NOCT: variants seen among roughly 807,000 people sequenced by gnomAD.
The protein encoded by NOCT is CCR4 carbon catabolite repression 4-like.
Under a neutral mutation model 35.0 loss-of-function variants are expected in NOCT, and 18 were observed. That is an observed-to-expected ratio of 0.51 (90% CI 0.36 to 0.76). NOCT has a LOEUF of 0.76. Among genes scored for constraint, NOCT ranks in the 30% least tolerant of loss-of-function variants. The pLI is 0.01. For missense variants in NOCT, 479 were observed against 541.0 expected (o/e 0.89, Z 1.14); for synonymous variants, 235 against 226.3 (o/e 1.04, Z -0.34).
Position 139,028,898 on chromosome 4 carries a change from G to A in NOCT, c.190+12727G>A, listed in dbSNP as rs187012804. On this transcript the variant is annotated intron_variant, in intron 1 of 2. Transcript: ENST00000280614. Reference sequence around the variant, plus strand: ...GCTCTGTCGCCCAGGCTGGAGTGCAGTGGCGTGATCTCGGCTCACTGCAAC... The same window carrying A: ...GCTCTGTCGCCCAGGCTGGAGTGCAATGGCGTGATCTCGGCTCACTGCAAC... Among the ~76,000 whole-genome samples, 3 of 152,292 alleles carry A rather than the reference G, an allele frequency of 2.0e-5. No individual in the cohort carries two copies. The East Asian group carries it at 5.8e-4, about 29-fold the overall frequency.
chr4:139,024,561 G>A (rs1223349859), intron 1 of NOCT, among the ~76,000 whole-genome samples: 3 of 152,016 alleles, frequency 2.0e-5, no homozygotes, highest in East Asian at 3.9e-4. Flanking sequence ...CCTCTTTCCT[G>A]GAGAGGAAGG....
chr4:139,025,755 G>A (rs1003971798), intron 1 of NOCT, among the ~76,000 whole-genome samples: 4 of 150,172 alleles, frequency 2.7e-5, no homozygotes, highest in African/African-American at 9.8e-5. Flanking sequence ...AGTGAGCCGA[G>A]ATGGCGCCAT....
chr4:139,029,363 G>C (rs1208643646), intron 1 of NOCT, among the ~76,000 whole-genome samples: 1 of 152,238 alleles, frequency 6.6e-6, no homozygotes, highest in African/African-American at 2.4e-5. Flanking sequence ...GTAAACAGTG[G>C]AGCCAGGATT....
chr4:139,035,075 A>T (rs1726704621), intron 1 of NOCT, among the ~76,000 whole-genome samples: 1 of 151,986 alleles, frequency 6.6e-6, no homozygotes, highest in South Asian at 2.1e-4. Context: ...AGTCTTCCTA[A>T]CCACTGTAGT....
intron 1 of NOCT, among the ~76,000 whole-genome samples, chr4:139,021,853 G>T (rs1726421167): frequency 6.7e-6 from 1 of 150,320 alleles, no homozygotes; most frequent in African/African-American, 2.5e-5. Context: ...GTGCCTCCCG[G>T]GTTCAAGCAA....
chr4:139,026,799 G>C (rs1312315439), intron 1 of NOCT, among the ~76,000 whole-genome samples: 4 of 151,232 alleles, frequency 2.6e-5, no homozygotes, highest in African/African-American at 9.8e-5. Flanking sequence ...TGATCTGCTC[G>C]CCTCAGCCTC....
At chr4:139,035,303 T>A (rs1416188341) in intron 1 of NOCT, among the ~76,000 whole-genome samples, 1 of 152,152 alleles carries the variant, frequency 6.6e-6, no homozygotes, top group Non-Finnish European at 1.5e-5. Context: ...GTTTTTGTTC[T>A]GTTTTGTTTT....
At chr4:139,024,017 A>G (rs1383136986) in intron 1 of NOCT, among the ~76,000 whole-genome samples, 7 of 144,144 alleles carry the variant, frequency 4.9e-5, no homozygotes, top group African/African-American at 7.7e-5. Flanking sequence ...TGTTGGCCAT[A>G]TGGATCTATC....
At chr4:139,043,022 G>T in intron 1 of NOCT, 52 bp from the exon 2 acceptor site, 3 of 1,519,940 alleles carry the variant, frequency 2.0e-6, no homozygotes, top group Non-Finnish European at 2.7e-6. Context: ...TGTGCTGGGC[G>T]AGAAGTCAGG....
rs59445691 is a variant in NOCT, at chr4:139,039,170, CA to C, written c.191-3887del. 5.9e-4 allele frequency among the ~76,000 whole-genome samples: 54 copies of C among 91,334 alleles called. 1 individual carries two copies. The highest frequency in any genetic ancestry group is 1.9e-3 in the African/African-American group (44 of 23,070). The allele number at this position is 91,334 out of a possible 152,430, so 59.9% of individuals were successfully genotyped here. On this transcript the variant is annotated intron_variant, in intron 1 of 2. Coordinates refer to ENST00000280614, the MANE Select transcript of NOCT (RefSeq NM_012118.4). ...GGGCAACACAGTGAAGACTCCATTT[CA>C]AAAAAAAAAAAAAAAAGCCATTCTT... is the stretch of plus-strand genomic sequence containing the variant.
At chr4:139,016,876 A>G (rs150325787) in intron 1 of NOCT, among the ~76,000 whole-genome samples, 2,559 of 151,196 alleles carry the variant, frequency 0.017, 65 homozygotes, top group African/African-American at 0.057. Context: ...GCTGGTCTTG[A>G]ACTCCTGACC....
At chr4:139,035,453 CT>C (rs1460189445) in intron 1 of NOCT, among the ~76,000 whole-genome samples, 1 of 152,116 alleles carries the variant, frequency 6.6e-6, no homozygotes, top group Non-Finnish European at 1.5e-5. Flanking sequence ...TCCTTTTTGA[CT>C]GCTGTTTGTC....
rs550766803 is a variant in NOCT at position 139,045,686 on chromosome 4, T to G, written c.*212T>G. 3 of 449,982 alleles carry G rather than the reference T, an allele frequency of 6.7e-6. No individual in the cohort carries two copies. The highest frequency in any genetic ancestry group is 4.0e-5 in the African/African-American group (2 of 49,944). 27.9% of individuals were successfully genotyped at this position (449,982 alleles called of 1,614,324 possible). A position where few individuals can be genotyped will look rare whatever the true frequency, so the allele number is the denominator to read the frequency against. On this transcript the variant is annotated 3_prime_UTR_variant, in exon 3 of 3. Transcript: ENST00000280614. ...CGCCCGTCACCACGCCCAGCTAATT[T>G]TTTGTATTTTTAGTAGAGACGGGGT...
At chr4:139,029,813 A>C (rs886398945) in intron 1 of NOCT, among the ~76,000 whole-genome samples, 1 of 152,152 alleles carries the variant, frequency 6.6e-6, no homozygotes, top group Non-Finnish European at 1.5e-5. Flanking sequence ...ATGGACCTTC[A>C]GGGGACGTGT....
chr4:139,028,156 C>T (rs1192973943), intron 1 of NOCT: 1 of 152,192 alleles, frequency 6.6e-6, no homozygotes, highest in Non-Finnish European at 1.5e-5. Context: ...GCTAGAAAAG[C>T]CCAGCTTGTG....
intron 1 of NOCT, among the ~76,000 whole-genome samples, chr4:139,035,167 C>T (rs754191774): frequency 6.6e-6 from 1 of 152,062 alleles, no homozygotes; most frequent in Non-Finnish European, 1.5e-5. Flanking sequence ...CTTGCTGTCA[C>T]CCAGGCTGGA....
intron 1 of NOCT, among the ~76,000 whole-genome samples, chr4:139,033,154 C>CA (rs1726659164): frequency 2.6e-5 from 4 of 152,044 alleles, no homozygotes; most frequent in Admixed American, 6.6e-5. Context: ...CACTTGAGGT[C>CA]AGGAGTTCAA....
At position 139,045,072 on chromosome 4, in the gene NOCT, A is replaced by G; in HGVS notation, c.894A>G (p.Ser298=). 6.2e-7 allele frequency: 1 copy of G among 1,614,172 alleles called. No homozygotes were observed. Among genetic ancestry groups the G allele is most frequent in the Non-Finnish European group, 8.5e-7 (1 of 1,180,028 alleles). ...GCACTGGCTGGGAGCGGTTTCGATC[A>G]GCTCAAGGCTGTGACCTCCTTCAGA... The part of the protein sequence containing the change: ...KARTGWERFR[S]AQGCDLLQNL... The change falls in exon 3 of 3, where the codon TCA becomes TCG. Residue 298 remains serine (S), a synonymous_variant. Transcript: ENST00000280614.
intron 1 of NOCT, among the ~76,000 whole-genome samples, chr4:139,020,683 T>C (rs1726392242): frequency 6.6e-6 from 1 of 151,656 alleles, no homozygotes; most frequent in African/African-American, 2.4e-5. Context: ...GATTAGGGAG[T>C]ATTTATGAGC....
Sources: allele counts gnomAD v4.1 joint callset (sites outside exome capture counted in the v4.1 genomes callset), GRCh38; gene constraint gnomAD v4.1.1; transcripts MANE v1.5; gene names NCBI Gene and HGNC (gene_info 2026-07-23, HGNC 2026-07-21).